The following TRPM7 variants were observed in gnomAD, a reference collection of about 807,000 sequenced individuals.
The protein encoded by TRPM7 is LTRPC ion channel family member 7.
Under a neutral mutation model 229.7 loss-of-function variants are expected in TRPM7, and 134 were observed. The observed-to-expected ratio is 0.58, with a 90% CI of 0.51 to 0.67. The LOEUF (loss-of-function observed/expected upper bound fraction) is 0.67, where lower values mean the gene tolerates loss of function less well. Ranked by LOEUF, TRPM7 falls within the 30% of genes least tolerant of loss-of-function variation. The pLI is 0.00. For synonymous variants in TRPM7, 699 were observed against 715.2 expected (o/e 0.98, Z 0.36); for missense variants, 1,901 against 2,210.0 (o/e 0.86, Z 2.80).
In TRPM7 at chr15:50,639,495, G is replaced by A. The variant is rs2061022135; in HGVS notation, c.589C>T (p.Arg197Ter). ...ALKEHASRSS[R>*]KICTIGIAPW... The stretch of plus-strand genomic sequence containing the variant: ...GCTATTCCGATAGTGCAAATCTTTC[G>A]AGATGATCTGGAAGCATGTTCTTTG... Residue 197 changes from arginine (R) to a stop codon, truncating the protein, a stop_gained, in exon 6 of 39, where the codon CGA becomes TGA. Coordinates refer to ENST00000646667, the MANE Select transcript of TRPM7 (RefSeq NM_017672.6). LOFTEE classifies it high-confidence loss of function. The A allele has an allele frequency of 6.2e-7, 1 of 1,611,332 alleles. No homozygotes were observed. The highest frequency in any genetic ancestry group is 8.5e-7 in the Non-Finnish European group (1 of 1,178,252).
intron 1 of TRPM7, among the ~76,000 whole-genome samples, chr15:50,666,869 A>C (rs994850126): frequency 3.3e-5 from 5 of 152,194 alleles, no homozygotes; most frequent in Non-Finnish European, 7.3e-5. Context: ...ATACAAGGTA[A>C]TTGAAAGATA....
chr15:50,570,810 G>A (rs1412496530), intron 36 of TRPM7, among the ~76,000 whole-genome samples: 1 of 150,178 alleles, frequency 6.7e-6, no homozygotes, highest in African/African-American at 2.5e-5. Context: ...AGCCAAAATC[G>A]TACTACTGCA....
intron 30 of TRPM7, among the ~76,000 whole-genome samples, chr15:50,579,363 C>A (rs2054290156): frequency 6.6e-6 from 1 of 152,226 alleles, no homozygotes; most frequent in African/African-American, 2.4e-5. Flanking sequence ...GATAACCTGT[C>A]TCTTTCCAGC....
intron 36 of TRPM7, among the ~76,000 whole-genome samples, chr15:50,573,763 A>G (rs1215174723): frequency 1.3e-5 from 2 of 152,198 alleles, no homozygotes; most frequent in African/African-American, 4.8e-5. Flanking sequence ...TATCTTAACC[A>G]TAATTTAGAT....
chr15:50,586,311 A>G, intron 28 of TRPM7, 81 bp downstream of exon 28: 1 of 918,264 alleles, frequency 1.1e-6, no homozygotes, highest in South Asian at 1.5e-5. Flanking sequence ...TTCACTGCTC[A>G]TGTGTTTGAC....
chr15:50,581,709 T>G (rs1379718028), intron 29 of TRPM7, among the ~76,000 whole-genome samples: 1 of 152,092 alleles, frequency 6.6e-6, no homozygotes, highest in African/African-American at 2.4e-5. Context: ...CTTCCCCAGT[T>G]TGAGACTCAT....
At chr15:50,650,799 T>C (rs893772214) in intron 3 of TRPM7, among the ~76,000 whole-genome samples, 2 of 152,158 alleles carry the variant, frequency 1.3e-5, no homozygotes, top group African/African-American at 4.8e-5. Flanking sequence ...AGTAATCTAA[T>C]TGCATGCTAT....
intron 10 of TRPM7, among the ~76,000 whole-genome samples, chr15:50,630,858 T>C (rs1041717837): frequency 2.6e-5 from 4 of 151,652 alleles, no homozygotes; most frequent in African/African-American, 9.7e-5. Context: ...TGTTGTGAGA[T>C]AGGGTCTTGC....
intron 1 of TRPM7, among the ~76,000 whole-genome samples, chr15:50,680,240 T>TATAAAA (rs1314179439): frequency 6.7e-6 from 1 of 149,560 alleles, no homozygotes; most frequent in East Asian, 2.0e-4. Context: ...TCTCAAAAAA[T>TATAAAA]ATAAAAATAA....
intron 12 of TRPM7, among the ~76,000 whole-genome samples, chr15:50,621,073 G>A (rs1034418327): frequency 2.7e-5 from 4 of 148,802 alleles, no homozygotes; most frequent in African/African-American, 7.5e-5. Context: ...GCAGGAGAAT[G>A]CCGTGAACCC....
chr15:50,574,675 A>G lies in TRPM7; in HGVS notation c.5064T>C (p.Phe1688=). The change falls in exon 35 of 39, where the codon TTT becomes TTC. Residue 1688 remains phenylalanine, a synonymous_variant. Coordinates refer to ENST00000646667, the MANE Select transcript of TRPM7 (RefSeq NM_017672.6). ...QRAAQKLTFA[F]NQMKPKSIPY... is the part of the protein sequence containing the mutation. ...GTATGGATTTGGGTTTCATTTGATTAAAGGCAAACGTAAGCTTTTGTGCTG... is the reference window on the plus strand; with the variant it reads ...GTATGGATTTGGGTTTCATTTGATTGAAGGCAAACGTAAGCTTTTGTGCTG... 6.2e-7 allele frequency: 1 copy of G among 1,613,888 alleles called. No individual in the cohort carries two copies. The highest frequency in any genetic ancestry group is 8.5e-7 in the Non-Finnish European group (1 of 1,179,934).
At chr15:50,620,175 G>A (rs1596220504) in intron 12 of TRPM7, among the ~76,000 whole-genome samples, 1 of 152,130 alleles carries the variant, frequency 6.6e-6, no homozygotes, top group South Asian at 2.1e-4. Flanking sequence ...AATATTTTGG[G>A]TAACAAGACT....
intron 36 of TRPM7, among the ~76,000 whole-genome samples, chr15:50,570,989 A>G (rs1277325016): frequency 7.9e-5 from 12 of 152,104 alleles, no homozygotes; most frequent in Admixed American, 7.9e-4. Context: ...ATCTTTCTTC[A>G]CCTCCAGCCC....
intron 13 of TRPM7, 23 bp downstream of exon 13, chr15:50,619,722 A>C (rs1314734063): frequency 6.5e-7 from 1 of 1,548,446 alleles, no homozygotes; most frequent in East Asian, 2.3e-5. Flanking sequence ...AACATTTTTC[A>C]AAAGCAAAAA....
chr15:50,564,789 A>G (rs2053519191), intron 38 of TRPM7, among the ~76,000 whole-genome samples: 1 of 152,196 alleles, frequency 6.6e-6, no homozygotes, highest in Non-Finnish European at 1.5e-5. Context: ...TTGCAACTAT[A>G]TTAATTATTT....
intron 3 of TRPM7, among the ~76,000 whole-genome samples, chr15:50,649,765 TATA>T (rs2061365399): frequency 6.6e-6 from 1 of 152,136 alleles, no homozygotes; most frequent in Non-Finnish European, 1.5e-5. Context: ...ATTGATTTGA[TATA>T]ATCTTAAAAA....
At chr15:50,686,229 C>T (rs2062357248) in intron 1 of TRPM7, among the ~76,000 whole-genome samples, 1 of 152,234 alleles carries the variant, frequency 6.6e-6, no homozygotes, top group African/African-American at 2.4e-5. Context: ...CTCAGCTGAG[C>T]CCAGCCAGGT....
chr15:50,574,578 G>A lies in TRPM7; in HGVS notation c.5102+59C>T. 8 of 1,555,016 alleles carry A rather than the reference G, an allele frequency of 5.1e-6. No individual in the cohort carries two copies. In the Admixed American group the frequency reaches 5.5e-5, roughly 11 times the overall value. ...TTAAATATTCAACATCAAAAATGAA[G>A]GTCAAAAGGGACTGCTATCCATATA... On this transcript the variant is annotated intron_variant, in intron 35 of 38. Transcript: ENST00000646667.
chr15:50,667,416 G>A (rs1405548776), intron 1 of TRPM7, among the ~76,000 whole-genome samples: 1 of 152,100 alleles, frequency 6.6e-6, no homozygotes, highest in African/African-American at 2.4e-5. Flanking sequence ...TTAAAAATAA[G>A]AGCTGCTGGC....
Sources: gnomAD v4.1 joint callset for allele counts (sites outside exome capture counted in the v4.1 genomes callset) on GRCh38, gnomAD v4.1.1 for gene constraint, MANE v1.5 for transcripts, NCBI Gene and HGNC (gene_info 2026-07-23, HGNC 2026-07-21) for gene names.